The following CD99L2 variants were observed in gnomAD, a reference collection of about 807,000 sequenced individuals.
CD99L2 encodes CD99 molecule like 2, also known as CD99 antigen-like protein 2.
A neutral mutation model predicts 27.3 loss-of-function variants in CD99L2; 24 were observed. That is an observed-to-expected ratio of 0.88 (90% CI 0.64 to 1.24). The LOEUF (loss-of-function observed/expected upper bound fraction) is 1.24. Ranked by LOEUF, CD99L2 falls within the 50% of genes most tolerant of loss-of-function variation. The pLI, the probability that CD99L2 is intolerant of heterozygous loss-of-function variation, is 0.00. For synonymous variants in CD99L2, 97 were observed against 87.9 expected (o/e 1.10, Z -0.58); for missense variants, 255 against 221.6 (o/e 1.15, Z -0.96).
intron 1 of CD99L2, among the ~76,000 whole-genome samples, chrX:150,832,286 T>C (rs1161738568): frequency 2.7e-5 from 3 of 112,511 alleles, no homozygotes; most frequent in Non-Finnish European, 5.6e-5. Flanking sequence ...AATTAAACAA[T>C]CAACAGGTCA....
intron 1 of CD99L2, among the ~76,000 whole-genome samples, chrX:150,865,152 G>T (rs1373184503): frequency 9.0e-6 from 1 of 110,721 alleles, no homozygotes. Context: ...TGCTTAATGA[G>T]GAGAGGGGGG....
intron 1 of CD99L2, among the ~76,000 whole-genome samples, chrX:150,862,852 G>C (rs868960768): frequency 9.6e-6 from 1 of 104,187 alleles, no homozygotes; most frequent in Non-Finnish European, 2.0e-5. Flanking sequence ...GAGAGAGAGA[G>C]AGACAGAGAG....
chrX:150,821,716 C>A (rs183738080), intron 2 of CD99L2, among the ~76,000 whole-genome samples: 1 of 111,933 alleles, frequency 8.9e-6, no homozygotes, highest in Non-Finnish European at 1.9e-5. Flanking sequence ...AGTGAAAAGA[C>A]AATCTACAAA....
intron 1 of CD99L2, among the ~76,000 whole-genome samples, chrX:150,865,255 T>A (rs1349754800): frequency 9.1e-6 from 1 of 109,445 alleles, no homozygotes; most frequent in African/African-American, 3.3e-5. Flanking sequence ...CGTAACACTT[T>A]GGGAGGCCCA....
chrX:150,868,325 C>T (rs1557422108), intron 1 of CD99L2, among the ~76,000 whole-genome samples: 1 of 109,956 alleles, frequency 9.1e-6, no homozygotes, highest in Non-Finnish European at 1.9e-5. Flanking sequence ...ATCAGGAGCT[C>T]GAGACCAGCC....
chrX:150,777,123 T>C, intron 8 of CD99L2: 1 of 308,149 alleles, frequency 3.2e-6, no homozygotes, highest in Non-Finnish European at 5.6e-6. Flanking sequence ...CAGAGATGCA[T>C]TTGTATCAGG....
chrX:150,848,119 C>CT (rs1485067879), intron 1 of CD99L2, among the ~76,000 whole-genome samples: 14 of 107,339 alleles, frequency 1.3e-4, no homozygotes, highest in Non-Finnish European at 2.1e-4. Context: ...AGGCCCCCCC[C>CT]CCCTTGTACT....
chrX:150,838,904 A>C (rs2046576419), intron 1 of CD99L2, among the ~76,000 whole-genome samples: 1 of 85,617 alleles, frequency 1.2e-5, no homozygotes. Flanking sequence ...TCAGTAAAAA[A>C]AAAAAAAAAA....
At chrX:150,824,378 AAGAAAG>A (rs1256066719) in intron 2 of CD99L2, among the ~76,000 whole-genome samples, 223 of 86,710 alleles carry the variant, frequency 2.6e-3, no homozygotes, top group Non-Finnish European at 4.1e-3. Context: ...GAAGAAGAAG[AAGAAAG>A]AAGAAGAAGA....
intron 1 of CD99L2, among the ~76,000 whole-genome samples, chrX:150,843,373 G>A (rs1205023594): frequency 9.0e-6 from 1 of 111,654 alleles, no homozygotes; most frequent in Non-Finnish European, 1.9e-5. Context: ...TTCTGGGCTG[G>A]GCACAGTGGC....
At chrX:150,843,930 C>G (rs1279374415) in intron 1 of CD99L2, among the ~76,000 whole-genome samples, 1 of 111,545 alleles carries the variant, frequency 9.0e-6, no homozygotes, top group Non-Finnish European at 1.9e-5. Context: ...AGGAAACCAA[C>G]TTGGTCAATG....
chrX:150,843,997 T>C (rs1166005406), intron 1 of CD99L2, among the ~76,000 whole-genome samples: 1 of 112,057 alleles, frequency 8.9e-6, no homozygotes, highest in East Asian at 2.8e-4. Flanking sequence ...AGAATCAAAG[T>C]TGGACCTGAG....
At chrX:150,817,946 C>T (rs2046187162) in intron 2 of CD99L2, among the ~76,000 whole-genome samples, 1 of 109,709 alleles carries the variant, frequency 9.1e-6, no homozygotes, top group Non-Finnish European at 1.9e-5. Context: ...AGCAGCTATA[C>T]TAATATCAGA....
chrX:150,856,564 G>A (rs891396090), intron 1 of CD99L2, among the ~76,000 whole-genome samples: 1 of 46,193 alleles, frequency 2.2e-5, no homozygotes, highest in Admixed American at 2.9e-4. Flanking sequence ...ACAGAAGCCA[G>A]GCTAAAATAA....
chrX:150,824,594 G>C (rs1283879914), intron 2 of CD99L2, among the ~76,000 whole-genome samples: 2 of 101,281 alleles, frequency 2.0e-5, no homozygotes, highest in African/African-American at 7.4e-5. Context: ...AGGAGGAGAA[G>C]AAGAAGGAGG....
At chrX:150,869,776 T>C (rs927014095) in intron 1 of CD99L2, among the ~76,000 whole-genome samples, 1 of 111,830 alleles carries the variant, frequency 8.9e-6, no homozygotes, top group Non-Finnish European at 1.9e-5. Context: ...ACTCCCTCTT[T>C]GAGAAGTGTT....
intron 7 of CD99L2, among the ~76,000 whole-genome samples, chrX:150,778,679 A>ATATATATATATAT (rs1569565875): frequency 1.7e-4 from 4 of 24,120 alleles, no homozygotes; most frequent in African/African-American, 4.6e-4. Context: ...ATAATAAAAA[A>ATATATATATATAT]AAAAAAATAT....
At chrX:150,855,493 C>T (rs1240768011) in intron 1 of CD99L2, among the ~76,000 whole-genome samples, 9 of 110,835 alleles carry the variant, frequency 8.1e-5, no homozygotes, top group African/African-American at 3.0e-4. Context: ...GGGGGAAGTG[C>T]CACACACTTT....
At chrX:150,833,537 A>G (rs1271949641) in intron 1 of CD99L2, among the ~76,000 whole-genome samples, 1 of 112,083 alleles carries the variant, frequency 8.9e-6, no homozygotes, top group Non-Finnish European at 1.9e-5. Flanking sequence ...GAGGCATCAC[A>G]CTTCTTGATT....
Sources: gnomAD v4.1 joint callset for allele counts (sites outside exome capture counted in the v4.1 genomes callset) on GRCh38, gnomAD v4.1.1 for gene constraint, MANE v1.5 for transcripts, NCBI Gene and HGNC (gene_info 2026-07-23, HGNC 2026-07-21) for gene names.